IQGAP3: variants seen among roughly 807,000 people sequenced by gnomAD.
IQGAP3 encodes ras GTPase-activating-like protein IQGAP3.
Under a neutral mutation model 208.2 loss-of-function variants are expected in IQGAP3, and 165 were observed. The ratio of observed to expected loss-of-function variants is 0.79; its 90% CI spans 0.70 to 0.90. The LOEUF (loss-of-function observed/expected upper bound fraction) is 0.90, where lower values mean the gene tolerates loss of function less well. IQGAP3 is among the 40% of genes least tolerant of loss of function. IQGAP3 has a pLI of 0.00. For missense variants in IQGAP3, 1,811 were observed against 2,043.1 expected, an observed-to-expected ratio of 0.89 and a Z score of 2.19; for synonymous variants, 703 against 803.6, an observed-to-expected ratio of 0.87 and a Z score of 2.12.
intron 11 of IQGAP3, among the ~76,000 whole-genome samples, chr1:156,560,464 T>A (rs941095469): frequency 6.6e-6 from 1 of 152,194 alleles, no homozygotes; most frequent in Non-Finnish European, 1.5e-5. Context: ...TGAGCCGAGA[T>A]TGTGCCACTG....
chr1:156,543,154 G>A (rs1675068225), intron 22 of IQGAP3, among the ~76,000 whole-genome samples: 1 of 152,136 alleles, frequency 6.6e-6, no homozygotes, highest in East Asian at 1.9e-4. Context: ...AATGGTGTTA[G>A]TGTAACCACA....
At chr1:156,559,501 G>C (rs1029048642) in intron 11 of IQGAP3, among the ~76,000 whole-genome samples, 18 of 152,210 alleles carry the variant, frequency 1.2e-4, no homozygotes, top group Non-Finnish European at 2.1e-4. Context: ...ACAGTGCACT[G>C]CTGTCAATGT....
chr1:156,570,622 C>T (rs1260297557), intron 1 of IQGAP3, among the ~76,000 whole-genome samples: 1 of 152,102 alleles, frequency 6.6e-6, no homozygotes, highest in Non-Finnish European at 1.5e-5. Flanking sequence ...CCCACCTCAG[C>T]CCCCCCACCA....
intron 29 of IQGAP3, 60 bp from the exon 30 acceptor site, chr1:156,534,201 T>C (rs943444803): frequency 1.9e-6 from 3 of 1,603,688 alleles, no homozygotes; most frequent in Non-Finnish European, 2.5e-6. Flanking sequence ...ACATCTTCTG[T>C]CCCCATCATT....
intron 22 of IQGAP3, among the ~76,000 whole-genome samples, chr1:156,542,540 T>C (rs540612571): frequency 6.6e-6 from 1 of 152,320 alleles, no homozygotes; most frequent in South Asian, 2.1e-4. Flanking sequence ...AGACAATTCA[T>C]GGCATCTTGG....
At chr1:156,555,527 C>G (rs555554708) in intron 12 of IQGAP3, among the ~76,000 whole-genome samples, 1 of 152,294 alleles carries the variant, frequency 6.6e-6, no homozygotes, top group South Asian at 2.1e-4. Flanking sequence ...CACCCAGCCC[C>G]CTTCCTATTT....
At chr1:156,543,359 G>A (rs922171316) in intron 22 of IQGAP3, among the ~76,000 whole-genome samples, 1 of 152,212 alleles carries the variant, frequency 6.6e-6, no homozygotes, top group African/African-American at 2.4e-5. Flanking sequence ...AAGCCCAAGA[G>A]TGCAGCCTCA....
chr1:156,538,377 T>TA (rs1674809610), intron 26 of IQGAP3, among the ~76,000 whole-genome samples: 1 of 151,724 alleles, frequency 6.6e-6, no homozygotes, highest in Non-Finnish European at 1.5e-5. Context: ...TTAGTAGAGA[T>TA]AGAGTTTCAC....
chr1:156,528,755 C>T lies in IQGAP3; in HGVS notation c.4572-145G>A, dbSNP rs538927707. ...AGAGGAGGGGGGCTGCACTTGAGCC[C>T]AAGACTTTGTAAATGAGGCTCAAAG... is the stretch of plus-strand genomic sequence containing the variant. On this transcript the variant is annotated intron_variant, in intron 35 of 37. Coordinates refer to ENST00000361170, the MANE Select transcript of IQGAP3 (RefSeq NM_178229.5). 4 of 1,080,714 alleles carry T rather than the reference C, an allele frequency of 3.7e-6. No homozygotes were observed. The South Asian group carries it at 6.1e-5, about 17-fold the overall frequency. 66.9% of individuals were successfully genotyped at this position (1,080,714 alleles called of 1,614,324 possible).
At chr1:156,535,342 C>T (rs1674642876) in intron 27 of IQGAP3, 95 bp from the exon 28 acceptor site, 3 of 821,418 alleles carry the variant, frequency 3.7e-6, no homozygotes, top group Non-Finnish European at 4.0e-6. Context: ...TCTTCTCCCC[C>T]AGGCTCAGCC....
intron 34 of IQGAP3, among the ~76,000 whole-genome samples, chr1:156,529,591 C>T (rs1674280794): frequency 6.6e-6 from 1 of 152,058 alleles, no homozygotes; most frequent in Non-Finnish European, 1.5e-5. Context: ...TTGAGACCAG[C>T]CTGGCCAACA....
chr1:156,531,077 AGAG>A (rs1674370940), intron 33 of IQGAP3, 80 bp downstream of exon 33: 1 of 968,450 alleles, frequency 1.0e-6, no homozygotes, highest in Non-Finnish European at 1.7e-6. Flanking sequence ...GGTGAGGTTC[AGAG>A]GAGGGAAACA....
At chr1:156,542,224 C>T (rs1222405554) in intron 22 of IQGAP3, among the ~76,000 whole-genome samples, 9 of 152,174 alleles carry the variant, frequency 5.9e-5, no homozygotes, top group Admixed American at 5.2e-4. Flanking sequence ...GAGTCTCGCT[C>T]TGTTGTCCAG....
At chr1:156,529,174 G>A in intron 34 of IQGAP3, 92 bp from the exon 35 acceptor site, 3 of 1,321,792 alleles carry the variant, frequency 2.3e-6, no homozygotes, top group South Asian at 1.3e-5. Flanking sequence ...CACACTGTGA[G>A]GCTCTTCGGA....
intron 13 of IQGAP3, 39 bp downstream of exon 13, chr1:156,554,196 C>G: frequency 6.4e-7 from 1 of 1,561,336 alleles, no homozygotes; most frequent in Non-Finnish European, 8.7e-7. Flanking sequence ...CTGCATTCCC[C>G]CATCCCTCAC....
chr1:156,533,672 A>T (rs1227387568), intron 31 of IQGAP3, 101 bp downstream of exon 31: 4 of 884,720 alleles, frequency 4.5e-6, no homozygotes, highest in Non-Finnish European at 7.2e-6. Flanking sequence ...CTGGCACAAG[A>T]CCTAGGCTGC....
intron 13 of IQGAP3, 83 bp downstream of exon 13, chr1:156,554,152 G>A: frequency 2.0e-6 from 3 of 1,474,338 alleles, no homozygotes; most frequent in South Asian, 2.7e-5. Flanking sequence ...TCGTACACAA[G>A]GCAAGTCTCC....
At chr1:156,532,042 A>T (rs1196763438) in intron 32 of IQGAP3, among the ~76,000 whole-genome samples, 1 of 152,162 alleles carries the variant, frequency 6.6e-6, no homozygotes, top group Non-Finnish European at 1.5e-5. Flanking sequence ...CTTTTGTAGA[A>T]CTGGGGAAGA....
chr1:156,566,290 A>G, intron 3 of IQGAP3, 100 bp downstream of exon 3: 1 of 1,354,096 alleles, frequency 7.4e-7, no homozygotes. Flanking sequence ...TTTTATCCAG[A>G]TTTGGACAAT....
Sources: gnomAD v4.1 joint callset for allele counts (sites outside exome capture counted in the v4.1 genomes callset) on GRCh38, gnomAD v4.1.1 for gene constraint, MANE v1.5 for transcripts, NCBI Gene and HGNC (gene_info 2026-07-23, HGNC 2026-07-21) for gene names.